The following FAM91A1 variants were observed in gnomAD, a reference collection of about 807,000 sequenced individuals.
The protein encoded by FAM91A1 is protein FAM91A1.
In FAM91A1, 41 loss-of-function variants were observed where a neutral mutation model predicts 113.5. The observed-to-expected ratio is 0.36, with a 90% CI of 0.28 to 0.47. The LOEUF (loss-of-function observed/expected upper bound fraction) is 0.47, where lower values mean the gene tolerates loss of function less well. Ranked by LOEUF, FAM91A1 falls within the 20% of genes least tolerant of loss-of-function variation. The pLI, the probability that FAM91A1 is intolerant of heterozygous loss-of-function variation, is 1.00. For synonymous variants in FAM91A1, 307 were observed against 347.9 expected, an observed-to-expected ratio of 0.88 and a Z score of 1.31; for missense variants, 696 against 1,001.2, an observed-to-expected ratio of 0.70 and a Z score of 4.11.
chr8:123,812,563 A>G lies in FAM91A1; in HGVS notation c.2376A>G (p.Ser792=). The G allele has an allele frequency of 1.9e-6, 3 of 1,594,854 alleles. No homozygotes were observed. The highest frequency in any genetic ancestry group is 1.7e-6 in the Non-Finnish European group (2 of 1,174,042). ...ILDIHTEPSF[S]SLLSQSSCAD... is the part of the protein sequence containing the mutation. ...ATATTCACACAGAGCCCAGTTTTTC[A>G]AGTTTGCTTTCACAGTCATCGTGTG... The change falls in exon 24 of 24, where the codon TCA becomes TCG. Residue 792 remains serine (S), a synonymous_variant. Coordinates refer to ENST00000334705, the MANE Select transcript of FAM91A1 (RefSeq NM_144963.4).
chr8:123,792,016 G>T (rs1002154358), intron 15 of FAM91A1, among the ~76,000 whole-genome samples: 19 of 151,900 alleles, frequency 1.3e-4, no homozygotes, highest in African/African-American at 4.6e-4. Context: ...GTTTACTAAA[G>T]ATATAAAAAT....
At position 123,795,663 on chromosome 8, in the gene FAM91A1, G is replaced by A. The variant is rs1477455844; in HGVS notation, c.1412-2427G>A. On this transcript the variant is annotated intron_variant, in intron 15 of 23. Coordinates refer to ENST00000334705, the MANE Select transcript of FAM91A1 (RefSeq NM_144963.4). ...TATTTCTTTATAGCAATGCAAGAAC[G>A]GAGTGATACAGATACCATTAAGAAA... 3.3e-5 allele frequency among the ~76,000 whole-genome samples: 5 copies of A among 152,134 alleles called. 1 individual carries two copies. The South Asian group carries it at 8.3e-4, about 25-fold the overall frequency.
chr8:123,771,982 T>G (rs1814856759), intron 1 of FAM91A1, among the ~76,000 whole-genome samples: 1 of 152,196 alleles, frequency 6.6e-6, no homozygotes, highest in Admixed American at 6.5e-5. Context: ...TTTTTTTTCT[T>G]CTTTTTAAAA....
At chr8:123,790,368 A>C (rs901026839) in intron 15 of FAM91A1, among the ~76,000 whole-genome samples, 10 of 152,284 alleles carry the variant, frequency 6.6e-5, no homozygotes, top group Admixed American at 5.9e-4. Context: ...ATTTGGATTC[A>C]GTAGGTTTTG....
chr8:123,769,358 T>A (rs1814784698), intron 1 of FAM91A1, among the ~76,000 whole-genome samples: 1 of 152,188 alleles, frequency 6.6e-6, no homozygotes, highest in Non-Finnish European at 1.5e-5. Flanking sequence ...GAGTAGCAAG[T>A]GACTGTATCA....
chr8:123,778,829 T>G (rs1435646614), intron 6 of FAM91A1, 57 bp downstream of exon 6: 6 of 1,127,776 alleles, frequency 5.3e-6, no homozygotes, highest in Non-Finnish European at 7.2e-6. Context: ...ATTTTACAAT[T>G]TTTAATTATA....
In FAM91A1 at chr8:123,805,272, T is replaced by A. The variant is rs749538295; in HGVS notation, c.1815T>A (p.His605Gln). The A allele has an allele frequency of 2.8e-5, 45 of 1,611,066 alleles. No individual in the cohort carries two copies. Among genetic ancestry groups the A allele is most frequent in the Non-Finnish European group, 3.8e-5 (45 of 1,178,602 alleles). ...LTHSAVLIQG[H>Q]GLHGIGETVH... ...TAACTTTTGTTTATGTTTAGGGGCA[T>A]GGTCTGCATGGGATAGGAGAAACTG... The change falls in exon 19 of 24, where the codon CAT (histidine) becomes CAA (glutamine). Residue 605 changes from histidine (H) to glutamine (Q), a missense_variant. Transcript: ENST00000334705.
intron 4 of FAM91A1, among the ~76,000 whole-genome samples, chr8:123,777,587 C>T (rs1396563387): frequency 1.3e-5 from 2 of 152,142 alleles, no homozygotes; most frequent in African/African-American, 4.8e-5. Flanking sequence ...GAAGTTCTTT[C>T]TGATACTTGG....
chr8:123,788,930 C>G (rs1407092756), intron 14 of FAM91A1, among the ~76,000 whole-genome samples: 9 of 152,130 alleles, frequency 5.9e-5, no homozygotes, highest in African/African-American at 2.2e-4. Flanking sequence ...GTATGCAAAT[C>G]TGATTTAGTT....
chr8:123,788,017 A>C (rs1308906597), intron 14 of FAM91A1, among the ~76,000 whole-genome samples: 1 of 152,210 alleles, frequency 6.6e-6, no homozygotes, highest in African/African-American at 2.4e-5. Context: ...GGGGTATAGA[A>C]ATTTTAGTCT....
intron 18 of FAM91A1, 142 bp downstream of exon 18, chr8:123,800,027 G>T: frequency 1.3e-6 from 1 of 751,802 alleles, no homozygotes; most frequent in Non-Finnish European, 2.0e-6. Context: ...ATGGATTTTA[G>T]TCCTGGCCGT....
At chr8:123,782,370 T>G (rs1271396457) in intron 8 of FAM91A1, among the ~76,000 whole-genome samples, 1 of 152,152 alleles carries the variant, frequency 6.6e-6, no homozygotes, top group Non-Finnish European at 1.5e-5. Flanking sequence ...TCAGTACAAA[T>G]AATACCTGAA....
intron 15 of FAM91A1, among the ~76,000 whole-genome samples, chr8:123,790,306 G>T (rs999536996): frequency 3.3e-5 from 5 of 152,196 alleles, no homozygotes; most frequent in Non-Finnish European, 5.9e-5. Context: ...ATAGTTGGGG[G>T]TTCCCAAACT....
intron 15 of FAM91A1, among the ~76,000 whole-genome samples, chr8:123,797,599 T>C (rs1815560021): frequency 1.3e-5 from 2 of 152,348 alleles, no homozygotes; most frequent in Admixed American, 1.3e-4. Flanking sequence ...CTAGTTTTAT[T>C]GTAAGAATAT....
At chr8:123,809,665 T>C (rs1432214429) in intron 22 of FAM91A1, among the ~76,000 whole-genome samples, 1 of 152,224 alleles carries the variant, frequency 6.6e-6, no homozygotes, top group Non-Finnish European at 1.5e-5. Context: ...CAAGATCTTC[T>C]TATTTTAGAA....
At chr8:123,786,945 G>A (rs1815273283) in intron 12 of FAM91A1, among the ~76,000 whole-genome samples, 1 of 152,158 alleles carries the variant, frequency 6.6e-6, no homozygotes, top group Non-Finnish European at 1.5e-5. Flanking sequence ...TCACAGAGAA[G>A]ATGTTATTTG....
Position 123,806,094 on chromosome 8 carries a change from A to G in FAM91A1, c.1897A>G (p.Asn633Asp). The change falls in exon 20 of 24, where the codon AAT becomes GAT. Residue 633 changes from asparagine to aspartate, a missense_variant. Physicochemically the swap from Asn to Asp is conservative, Grantham distance 23 (BLOSUM62 1). Transcript: ENST00000334705. ...TCTGTTTGTAGAGTTCACTCGTGTC[A>G]ATATGGGTGTTCATAAAGCATTGCA... is the stretch of plus-strand genomic sequence containing the variant. ...TELQGEFTRV[N>D]MGVHKALQIL... 6.2e-7 allele frequency: 1 copy of G among 1,603,602 alleles called. No homozygotes were observed. The highest frequency in any genetic ancestry group is 1.1e-5 in the South Asian group (1 of 89,980).
intron 8 of FAM91A1, among the ~76,000 whole-genome samples, chr8:123,781,990 A>G (rs1362571996): frequency 6.6e-6 from 1 of 152,230 alleles, no homozygotes; most frequent in Non-Finnish European, 1.5e-5. Flanking sequence ...CTGTCATCAG[A>G]TAAGCTGACG....
rs552808589 is a variant in FAM91A1, at chr8:123,803,005, C to T, written c.1810-2262C>T. ...GGTGATTCCACGAGCTTCAGTTTTCCTTACCTTTAAAATGAAGGGTGGCTG... is the reference window on the plus strand; with the variant it reads ...GGTGATTCCACGAGCTTCAGTTTTCTTTACCTTTAAAATGAAGGGTGGCTG... On this transcript the variant is annotated intron_variant, in intron 18 of 23. Transcript: ENST00000334705. 5.3e-5 allele frequency among the ~76,000 whole-genome samples: 8 copies of T among 152,252 alleles called. No individual in the cohort carries two copies. The East Asian group carries it at 9.7e-4, about 18-fold the overall frequency.
Sources: gnomAD v4.1 joint callset for allele counts (sites outside exome capture counted in the v4.1 genomes callset) on GRCh38, gnomAD v4.1.1 for gene constraint, MANE v1.5 for transcripts, NCBI Gene and HGNC (gene_info 2026-07-23, HGNC 2026-07-21) for gene names.